Variants in RIOK2 observed in about 807,000 individuals in gnomAD.
RIOK2 encodes serine/threonine-protein kinase RIO2.
RIOK2 carries 46 observed loss-of-function variants against 62.4 expected under a neutral mutation model. The ratio of observed to expected loss-of-function variants is 0.74; its 90% CI spans 0.58 to 0.94. The LOEUF (loss-of-function observed/expected upper bound fraction) is 0.94. RIOK2 is among the 40% of genes least tolerant of loss of function. The pLI is 0.00. For synonymous variants in RIOK2, 197 were observed against 216.0 expected, an observed-to-expected ratio of 0.91 and a Z score of 0.77; for missense variants, 574 against 658.0, an observed-to-expected ratio of 0.87 and a Z score of 1.40.
At chr5:97,177,948 A>C in intron 2 of RIOK2, 100 bp from the exon 3 acceptor site, 1 of 735,000 alleles carries the variant, frequency 1.4e-6, no homozygotes, top group Non-Finnish European at 2.3e-6. Context: ...TAAAGTCTTC[A>C]TTGGAAAAAG....
At chr5:97,177,595 A>T (rs2112842573) in intron 3 of RIOK2, 137 bp downstream of exon 3, 1 of 637,526 alleles carries the variant, frequency 1.6e-6, no homozygotes, top group African/African-American at 1.8e-5. Flanking sequence ...ACACCTTCTG[A>T]TTTGTACTGC....
At position 97,168,926 on chromosome 5, in the gene RIOK2, C is replaced by T. The variant is rs140839815; in HGVS notation, c.780-74G>A. 29 of 818,040 alleles carry T rather than the reference C, an allele frequency of 3.5e-5. No individual in the cohort carries two copies. The East Asian group carries it at 7.8e-4, about 22-fold the overall frequency. The allele number at this position is 818,040 out of a possible 1,614,324, so 50.7% of individuals were successfully genotyped here. A position where few individuals can be genotyped will look rare whatever the true frequency, so the allele number is the denominator to read the frequency against. On this transcript the variant is annotated intron_variant, in intron 6 of 9. Coordinates refer to ENST00000283109, the MANE Select transcript of RIOK2 (RefSeq NM_018343.3). The stretch of plus-strand genomic sequence containing the variant: ...TTCCTTATTAGCCAATGACAATATA[C>T]TTATTGGTTAATGGTATTGCTCCTC...
rs113786360 is a variant in RIOK2, at chr5:97,167,488, T to C, written c.1376A>G (p.Asn459Ser). The C allele has an allele frequency of 4.0e-5, 65 of 1,614,156 alleles. No individual in the cohort carries two copies. In the African/African-American group the frequency reaches 5.9e-4, roughly 15 times the overall value. ...ATACCTGAAAGGCCTGAATTCTCTATTTAATGACGACAAGGCAATTAGATG... is the reference window on the plus strand; with the variant it reads ...ATACCTGAAAGGCCTGAATTCTCTACTTAATGACGACAAGGCAATTAGATG... The part of the protein sequence containing the change: ...CPHLIALSSL[N>S]REFRPFRDEE... The change falls in exon 8 of 10, where the codon AAT becomes AGT. Residue 459 changes from asparagine (N) to serine (S), a missense_variant. By Grantham distance (46) the Asn-to-Ser change is conservative. Transcript: ENST00000283109.
chr5:97,173,327 A>G lies in RIOK2; in HGVS notation c.499-64T>C, dbSNP rs543716398. The G allele has an allele frequency of 5.1e-5, 51 of 1,009,520 alleles. 1 individual carries two copies. The South Asian group carries it at 6.5e-4, about 13-fold the overall frequency. 62.5% of individuals were successfully genotyped at this position (1,009,520 alleles called of 1,614,324 possible). A position where few individuals can be genotyped will look rare whatever the true frequency, so the allele number is the denominator to read the frequency against. On this transcript the variant is annotated intron_variant, in intron 4 of 9. Transcript: ENST00000283109. ...TCATTACTCTTTAAAGAACAATAAAAGTAAATATACCTTTCTACAACCAGA... is the reference window on the plus strand; with the variant it reads ...TCATTACTCTTTAAAGAACAATAAAGGTAAATATACCTTTCTACAACCAGA...
intron 6 of RIOK2, 48 bp downstream of exon 6, chr5:97,171,158 T>G (rs1399686258): frequency 7.9e-7 from 1 of 1,268,318 alleles, no homozygotes; most frequent in Non-Finnish European, 1.0e-6. Flanking sequence ...AAACTCCGTC[T>G]CCAAAAAAAT....
At chr5:97,163,709 T>C (rs189077724) in intron 9 of RIOK2, among the ~76,000 whole-genome samples, 1 of 152,340 alleles carries the variant, frequency 6.6e-6, no homozygotes, top group Admixed American at 6.5e-5. Context: ...TCAGTTAAGA[T>C]ACACTGTGCA....
chr5:97,177,977 C>T, intron 2 of RIOK2, 129 bp from the exon 3 acceptor site: 2 of 610,410 alleles, frequency 3.3e-6, no homozygotes, highest in Non-Finnish European at 5.8e-6. Context: ...CCCAGGCTCA[C>T]AAGCTTCCAA....
At chr5:97,180,133 T>TATATATGTATATATAC in intron 1 of RIOK2, among the ~76,000 whole-genome samples, 1 of 35,646 alleles carries the variant, frequency 2.8e-5, no homozygotes, top group Non-Finnish European at 6.6e-5. Flanking sequence ...TATGTATATA[T>TATATATGTATATATAC]ATATATATGT....
chr5:97,177,757 G>C lies in RIOK2; in HGVS notation c.297C>G (p.Asn99Lys). The C allele has an allele frequency of 6.2e-7, 1 of 1,610,576 alleles. No homozygotes were observed. The highest frequency in any genetic ancestry group is 2.2e-5 in the East Asian group (1 of 44,814). The change falls in exon 3 of 10, where the codon AAC (asparagine) becomes AAG (lysine). Residue 99 changes from asparagine (N) to lysine (K), a missense_variant. Transcript: ENST00000283109. ...CTGATTCTTTGCCAACACCCATCTG[G>C]TTTCCAACAGACTCAACTACTTGCC... ...SSRQVVESVG[N>K]QMGVGKESDI...
intron 8 of RIOK2, among the ~76,000 whole-genome samples, chr5:97,166,540 TATTTC>T (rs1748845715): frequency 6.6e-6 from 1 of 152,182 alleles, no homozygotes. Context: ...ATAAAACCAA[TATTTC>T]ATTTAACTAC....
intron 4 of RIOK2, chr5:97,176,044 G>A (rs1393094515): frequency 6.6e-6 from 1 of 152,024 alleles, no homozygotes; most frequent in East Asian, 1.9e-4. Flanking sequence ...CACCTGAAGT[G>A]CAATGAATAG....
rs1199359591 is a variant in RIOK2, at chr5:97,161,328, A to T, written c.*1733T>A. On this transcript the variant is annotated 3_prime_UTR_variant, in exon 10 of 10. Transcript: ENST00000283109. The stretch of plus-strand genomic sequence containing the variant: ...TTGAATTTGTTTTTGTTCATTGTTC[A>T]CTATGCATGTTTTAAAATGTGAGGG... The T allele has an allele frequency of 2.0e-5, 3 of 152,350 alleles. No individual in the cohort carries two copies. The South Asian group carries it at 6.2e-4, about 32-fold the overall frequency. 9.4% of individuals were successfully genotyped at this position (152,350 alleles called of 1,614,324 possible).
intron 9 of RIOK2, 53 bp downstream of exon 9, chr5:97,164,998 A>C: frequency 8.7e-7 from 1 of 1,151,540 alleles, no homozygotes; most frequent in Non-Finnish European, 1.3e-6. Context: ...CAAGGCAATC[A>C]GATCACAGTA....
intron 1 of RIOK2, 188 bp downstream of exon 1, chr5:97,182,938 G>T: frequency 1.4e-6 from 1 of 708,426 alleles, no homozygotes; most frequent in Non-Finnish European, 2.6e-6. Context: ...TCTATCTGGG[G>T]GAAGGTAAGC....
rs566721188 is a variant in RIOK2 at position 97,174,382 on chromosome 5, T to G, written c.499-1119A>C. 2.8e-3 allele frequency among the ~76,000 whole-genome samples: 428 copies of G among 152,350 alleles called. 2 individuals are homozygous for G. Among genetic ancestry groups the G allele is most frequent in the Admixed American group, 3.2e-3 (49 of 15,308 alleles). ...TTGCAGTGAGTTGATATCGTGCCAC[T>G]GCATTCTAGCCTGGGTGATAGAGCA... On this transcript the variant is annotated intron_variant, in intron 4 of 9. Transcript: ENST00000283109.
intron 8 of RIOK2, chr5:97,166,904 C>A: frequency 1.0e-6 from 1 of 973,800 alleles, no homozygotes; most frequent in South Asian, 4.7e-5. Flanking sequence ...ATTTTAAAAT[C>A]ATCAGTTTGT....
intron 1 of RIOK2, among the ~76,000 whole-genome samples, chr5:97,181,292 A>G (rs4869150): frequency 4.7e-5 from 7 of 149,566 alleles, no homozygotes; most frequent in South Asian, 2.1e-4. Flanking sequence ...AAAAAGAAAG[A>G]GAGAAAATTA....
At chr5:97,166,324 C>G in intron 8 of RIOK2, 1 of 455,724 alleles carries the variant, frequency 2.2e-6, no homozygotes, top group South Asian at 1.6e-5. Context: ...ATTTAATTTT[C>G]CAAGTTTATT....
rs12188395 is a variant in RIOK2 at position 97,167,674 on chromosome 5, T to C, written c.1190A>G (p.Asn397Ser). 140,171 of 1,614,186 alleles carry C rather than the reference T, an allele frequency of 0.087. 6,320 individuals are homozygous for C. Among genetic ancestry groups the C allele is most frequent in the Middle Eastern group, 0.11 (639 of 6,062 alleles). ...CCCTTTTATTTCTTCTAAAGCTTGA[T>C]TGAATTCAGTCATTTCAAAACTCCG... ...DARSFEMTEF[N>S]QALEEIKGQV... Residue 397 changes from asparagine to serine, a missense_variant, in exon 8 of 10, where the codon AAT (asparagine) becomes AGT (serine). Coordinates refer to ENST00000283109, the MANE Select transcript of RIOK2 (RefSeq NM_018343.3).
Sources: gnomAD v4.1 joint callset for allele counts (sites outside exome capture counted in the v4.1 genomes callset) on GRCh38, gnomAD v4.1.1 for gene constraint, MANE v1.5 for transcripts, NCBI Gene and HGNC (gene_info 2026-07-23, HGNC 2026-07-21) for gene names.